COL18A1: variants seen among roughly 807,000 people sequenced by gnomAD.
COL18A1 encodes collagen alpha-1(XVIII) chain.
Under a neutral mutation model 168.0 loss-of-function variants are expected in COL18A1, and 133 were observed. The ratio of observed to expected loss-of-function variants is 0.79; its 90% CI spans 0.69 to 0.91. COL18A1 has a LOEUF of 0.91. Among genes scored for constraint, COL18A1 ranks in the 40% least tolerant of loss-of-function variants. The probability of loss-of-function intolerance (pLI) is 0.00; values close to 1 mark genes in which losing one functional copy is unlikely to be tolerated. For synonymous variants in COL18A1, 949 were observed against 809.0 expected (o/e 1.17, Z -2.94); for missense variants, 2,126 against 1,925.4 (o/e 1.10, Z -1.95).
intron 2 of COL18A1, among the ~76,000 whole-genome samples, chr21:45,437,835 A>G (rs139379807): frequency 8.5e-5 from 2 of 23,606 alleles, no homozygotes; most frequent in East Asian, 1.2e-3. Context: ...CACTCAGACA[A>G]GCACTCTCCT....
rs2035289035 is a variant in COL18A1, at chr21:45,468,294, C to CCAGCAG, written c.160_165dup (p.Gln54_Gln55dup). 1.2e-6 allele frequency: 2 copies of CCAGCAG among 1,613,178 alleles called. No individual in the cohort carries two copies. The highest frequency in any genetic ancestry group is 2.2e-5 in the South Asian group (2 of 91,092). On this transcript the variant is annotated inframe_insertion, in exon 3 of 42. Coordinates refer to ENST00000651438, the MANE Select transcript of COL18A1 (RefSeq NM_001379500.1). The stretch of plus-strand genomic sequence containing the variant: ...TGCAGCTCCTTGGGGACCCCCCGCC[C>CCAGCAG]CAGCAGGTCACCCAGACGGATGACC...
chr21:45,476,860 TTGTG>T (rs995345815), intron 6 of COL18A1, among the ~76,000 whole-genome samples: 5 of 151,338 alleles, frequency 3.3e-5, no homozygotes, highest in East Asian at 3.9e-4. Flanking sequence ...AGTGTGCGTA[TTGTG>T]TGTATGTGTG....
Position 45,495,718 on chromosome 21 carries a change from ACG to A in COL18A1, c.2508+288_2508+289del, listed in dbSNP as rs1491363073. On this transcript the variant is annotated intron_variant, in intron 29 of 41. Transcript: ENST00000651438. ...TGCCCATACACACGCGCACACATAC[ACG>A]CACACACACATCCACACGTGCTCAT... The A allele has an allele frequency of 4.5e-3, 1,914 of 425,608 alleles. 36 individuals are homozygous for A. Among genetic ancestry groups the A allele is most frequent in the African/African-American group, 0.034 (1,669 of 48,686 alleles). The allele number at this position is 425,608 out of a possible 1,614,324, so 26.4% of individuals were successfully genotyped here.
chr21:45,449,934 C>CAGA (rs2145836395), intron 2 of COL18A1, among the ~76,000 whole-genome samples: 1 of 152,354 alleles, frequency 6.6e-6, no homozygotes, highest in South Asian at 2.1e-4. Flanking sequence ...CCACAAAATG[C>CAGA]AGAGCCCAGG....
rs1276594534 is a variant in COL18A1 at position 45,480,835 on chromosome 21, C to T, written c.1588C>T (p.Pro530Ser). ...GLPGVPGREG[P>S]PGFPGLPGPP... ...TCCTGGTGTGCCTGGGCGCGAGGGT[C>T]CCCCCGGGTTTCCTGGCCTCCCGGT... Residue 530 changes from proline (P) to serine (S), a missense_variant, in exon 13 of 42, where the codon CCC (proline) becomes TCC (serine). Physicochemically the swap from Pro to Ser is moderately conservative, Grantham distance 74. Transcript: ENST00000651438. The T allele has an allele frequency of 6.2e-6, 10 of 1,610,542 alleles. No individual in the cohort carries two copies. The highest frequency in any genetic ancestry group is 8.5e-6 in the Non-Finnish European group (10 of 1,179,312).
intron 9 of COL18A1, among the ~76,000 whole-genome samples, chr21:45,479,348 T>TACACACACGTGTGTGCACACACACC (rs2035803050): frequency 5.0e-5 from 7 of 140,604 alleles, no homozygotes; most frequent in Admixed American, 2.8e-4. Context: ...ATACACACAC[T>TACACACACGTGTGTGCACACACACC]ACACACACGT....
intron 32 of COL18A1, 200 bp from the exon 33 acceptor site, chr21:45,503,811 A>AAAAT (rs553660816): frequency 5.7e-6 from 2 of 351,732 alleles, no homozygotes; most frequent in Non-Finnish European, 1.0e-5. Flanking sequence ...ATTTAAAAAT[A>AAAAT]AAATAAAAAT....
At chr21:45,475,946 G>A (rs1838525594) in intron 5 of COL18A1, among the ~76,000 whole-genome samples, 3 of 152,240 alleles carry the variant, frequency 2.0e-5, no homozygotes, top group South Asian at 2.1e-4. Context: ...TCCCCAGCTC[G>A]GGCCACCTGA....
At chr21:45,490,761 C>T in intron 20 of COL18A1, 75 bp from the exon 21 acceptor site, 1 of 1,458,738 alleles carries the variant, frequency 6.9e-7, no homozygotes, top group Non-Finnish European at 9.4e-7. Context: ...ACATCTTCAT[C>T]AGAGCCATCC....
At position 45,474,168 on chromosome 21, in the gene COL18A1, A is replaced by G. The variant is rs374241435; in HGVS notation, c.738+187A>G. On this transcript the variant is annotated intron_variant, in intron 4 of 41. Transcript: ENST00000651438. Reference sequence around the variant, plus strand: ...CCTTGCCCTGAACTTTCCCATAAAAACAAATACAAAGCATGATATAAACAC... The same window carrying G: ...CCTTGCCCTGAACTTTCCCATAAAAGCAAATACAAAGCATGATATAAACAC... Among the ~76,000 whole-genome samples, 47 of 152,292 alleles carry G rather than the reference A, an allele frequency of 3.1e-4. 1 individual carries two copies. The South Asian group carries it at 8.7e-3, about 28-fold the overall frequency.
intron 2 of COL18A1, among the ~76,000 whole-genome samples, chr21:45,427,981 G>C (rs1054098526): frequency 6.6e-6 from 1 of 152,206 alleles, no homozygotes; most frequent in Non-Finnish European, 1.5e-5. Context: ...GCCCTGCAGA[G>C]CCGGGAGGAC....
intron 7 of COL18A1, 107 bp downstream of exon 7, chr21:45,477,594 C>G: frequency 7.6e-7 from 1 of 1,310,554 alleles, no homozygotes. Context: ...GCCCGTGCCT[C>G]CTTTGTGCCC....
intron 2 of COL18A1, among the ~76,000 whole-genome samples, chr21:45,407,235 G>C (rs1602321340): frequency 6.6e-6 from 1 of 152,264 alleles, no homozygotes; most frequent in African/African-American, 2.4e-5. Flanking sequence ...TGCTGACTCT[G>C]GCGAGGGTTT....
chr21:45,409,114 G>C (rs905576919), intron 2 of COL18A1, among the ~76,000 whole-genome samples: 2 of 152,168 alleles, frequency 1.3e-5, no homozygotes, highest in Admixed American at 1.3e-4. Context: ...TGCAGAGAAG[G>C]GGCCACCCCA....
intron 2 of COL18A1, chr21:45,467,237 G>A (rs2035244091): frequency 1.2e-5 from 12 of 985,270 alleles, no homozygotes; most frequent in Non-Finnish European, 1.3e-5. Context: ...TCTGGGCACC[G>A]GGGCTGCGTC....
At chr21:45,500,951 G>T (rs1187371350) in intron 32 of COL18A1, among the ~76,000 whole-genome samples, 8 of 35,170 alleles carry the variant, frequency 2.3e-4, no homozygotes, top group Admixed American at 9.1e-4. Flanking sequence ...TGGGGGTGTG[G>T]TTTGGTGTGT....
At chr21:45,419,110 C>T (rs548925084) in intron 2 of COL18A1, among the ~76,000 whole-genome samples, 1 of 152,328 alleles carries the variant, frequency 6.6e-6, no homozygotes, top group South Asian at 2.1e-4. Flanking sequence ...CCAGCCCTTG[C>T]CAGAGGCTCT....
chr21:45,504,255 A>G, intron 33 of COL18A1, 161 bp from the exon 34 acceptor site: 1 of 874,402 alleles, frequency 1.1e-6, no homozygotes, highest in Non-Finnish European at 1.8e-6. Context: ...CGGCTGATGC[A>G]GTGGGAGGTG....
At chr21:45,439,200 T>C (rs1185255476) in intron 2 of COL18A1, among the ~76,000 whole-genome samples, 5 of 152,254 alleles carry the variant, frequency 3.3e-5, no homozygotes, top group Non-Finnish European at 5.9e-5. Flanking sequence ...ACGTGTTCCT[T>C]GGTCATTTCC....
Sources: allele counts gnomAD v4.1 joint callset (sites outside exome capture counted in the v4.1 genomes callset), GRCh38; gene constraint gnomAD v4.1.1; transcripts MANE v1.5; gene names NCBI Gene and HGNC (gene_info 2026-07-23, HGNC 2026-07-21).